The following RAB38 variants were observed in gnomAD, a reference collection of about 807,000 sequenced individuals.
RAB38 encodes the protein RAB38, member RAS oncogene family, also known as ras-related protein Rab-38.
RAB38 carries 15 observed loss-of-function variants against 18.4 expected under a neutral mutation model. The observed-to-expected ratio is 0.82, with a 90% CI of 0.55 to 1.26. The LOEUF (loss-of-function observed/expected upper bound fraction) is 1.26, where lower values mean the gene tolerates loss of function less well. RAB38 is among the 50% of genes most tolerant of loss of function. The pLI is 0.00. For missense variants in RAB38, 294 were observed against 267.4 expected (o/e 1.10, Z -0.69); for synonymous variants, 101 against 104.4 (o/e 0.97, Z 0.20).
the RAB38 span, among the ~76,000 whole-genome samples, chr11:87,889,985 TG>T: frequency 7.2e-5 from 11 of 151,936 alleles, no homozygotes; most frequent in African/African-American, 2.2e-4. Flanking sequence ...ACATTATAAA[TG>T]ATAGAATATT....
rs1311795905 is a variant in RAB38, at chr11:88,155,866, G to A, written c.203-5911C>T. Among the ~76,000 whole-genome samples, 4 of 152,238 alleles carry A rather than the reference G, an allele frequency of 2.6e-5. No homozygotes were observed. The East Asian group carries it at 7.7e-4, about 29-fold the overall frequency. On this transcript the variant is annotated intron_variant, in intron 1 of 2. Transcript: ENST00000243662. ...TCTAGAATTGGACAATTCACTTAAG[G>A]AGTTTCAAAATACAATTGAAAGCTT...
At chr11:87,863,858 G>T in the RAB38 span, among the ~76,000 whole-genome samples, 1 of 151,718 alleles carries the variant, frequency 6.6e-6, no homozygotes, top group African/African-American at 2.4e-5. Flanking sequence ...TAAGCATAAT[G>T]TGAAAACCCT....
At chr11:87,906,203 C>T in the RAB38 span, among the ~76,000 whole-genome samples, 1 of 151,952 alleles carries the variant, frequency 6.6e-6, no homozygotes, top group Non-Finnish European at 1.5e-5. Context: ...AGTCCTCTCC[C>T]ACCCATGAGC....
the RAB38 span, among the ~76,000 whole-genome samples, chr11:87,958,089 C>T: frequency 6.6e-6 from 1 of 152,094 alleles, no homozygotes; most frequent in Non-Finnish European, 1.5e-5. Flanking sequence ...TTGATCTCTT[C>T]CCAGGCTAGC....
At chr11:87,866,915 A>C in the RAB38 span, among the ~76,000 whole-genome samples, 40 of 151,892 alleles carry the variant, frequency 2.6e-4, no homozygotes, top group African/African-American at 9.2e-4. Flanking sequence ...TGTTTTACCA[A>C]ACACCTTTCC....
the RAB38 span, chr11:88,097,801 C>T: frequency 2.0e-5 from 3 of 151,936 alleles, no homozygotes; most frequent in African/African-American, 4.8e-5. Context: ...ACAATATGTT[C>T]TGATTGTGTC....
the RAB38 span, among the ~76,000 whole-genome samples, chr11:87,910,939 A>T: frequency 6.6e-6 from 1 of 151,944 alleles, no homozygotes; most frequent in African/African-American, 2.4e-5. Context: ...CGCAGCCTCA[A>T]AGTTCACTTT....
the RAB38 span, among the ~76,000 whole-genome samples, chr11:88,099,033 A>G: frequency 6.6e-6 from 1 of 151,972 alleles, no homozygotes; most frequent in Admixed American, 6.6e-5. Flanking sequence ...AACTGGACAT[A>G]GAGTGGACCA....
At chr11:87,846,354 CTT>C in the RAB38 span, among the ~76,000 whole-genome samples, 1 of 151,920 alleles carries the variant, frequency 6.6e-6, no homozygotes, top group African/African-American at 2.4e-5. Flanking sequence ...AAGAGCTAAA[CTT>C]AATATATAAA....
intron 2 of RAB38, among the ~76,000 whole-genome samples, chr11:88,120,030 G>C (rs1942610452): frequency 6.6e-6 from 1 of 152,318 alleles, no homozygotes; most frequent in South Asian, 2.1e-4. Context: ...GTGGACACCT[G>C]TCTGTTAAGC....
At chr11:88,072,562 C>T in the RAB38 span, among the ~76,000 whole-genome samples, 3 of 151,962 alleles carry the variant, frequency 2.0e-5, no homozygotes, top group African/African-American at 4.8e-5. Context: ...TAATGGAAGA[C>T]AAGCCAAAGT....
the RAB38 span, among the ~76,000 whole-genome samples, chr11:88,068,246 T>C: frequency 1.3e-5 from 2 of 152,104 alleles, no homozygotes; most frequent in African/African-American, 4.8e-5. Flanking sequence ...TGGATTTATG[T>C]AAAATATCTC....
the RAB38 span, among the ~76,000 whole-genome samples, chr11:88,053,194 TATATATGGAATATATATATACACACA>T: frequency 8.7e-6 from 1 of 115,452 alleles, no homozygotes; most frequent in Non-Finnish European, 1.7e-5. Context: ...TATACACACA[TATATATGGAATATATATATACACACA>T]TATATATGGA....
the RAB38 span, among the ~76,000 whole-genome samples, chr11:87,881,136 G>A: frequency 6.6e-6 from 1 of 151,748 alleles, no homozygotes; most frequent in Non-Finnish European, 1.5e-5. Context: ...GAGACATCAT[G>A]CCCAGACTGC....
At chr11:88,029,240 T>A in the RAB38 span, among the ~76,000 whole-genome samples, 1 of 151,988 alleles carries the variant, frequency 6.6e-6, no homozygotes, top group East Asian at 1.9e-4. Context: ...TGCTAAACAT[T>A]GAAAGGAACA....
chr11:87,901,718 C>T, the RAB38 span, among the ~76,000 whole-genome samples: 2 of 151,502 alleles, frequency 1.3e-5, no homozygotes, highest in Admixed American at 6.6e-5. Flanking sequence ...ATGCAATCAC[C>T]GGAGCTGTGC....
the RAB38 span, among the ~76,000 whole-genome samples, chr11:88,069,599 T>C: frequency 1.3e-5 from 2 of 152,220 alleles, no homozygotes; most frequent in African/African-American, 4.8e-5. Flanking sequence ...TCAGGGTTCA[T>C]GGATGCACCA....
chr11:88,031,827 A>G, the RAB38 span, among the ~76,000 whole-genome samples: 1 of 152,190 alleles, frequency 6.6e-6, no homozygotes, highest in East Asian at 1.9e-4. Context: ...CAGATTCAAT[A>G]CCATTCCCAT....
chr11:88,156,316 G>A (rs1249713075), intron 1 of RAB38, among the ~76,000 whole-genome samples: 1 of 152,172 alleles, frequency 6.6e-6, no homozygotes, highest in African/African-American at 2.4e-5. Context: ...ACCCCATTTG[G>A]CTAACAGTGG....
Sources: gnomAD v4.1 joint callset for allele counts (sites outside exome capture counted in the v4.1 genomes callset) on GRCh38, gnomAD v4.1.1 for gene constraint, MANE v1.5 for transcripts, NCBI Gene and HGNC (gene_info 2026-07-23, HGNC 2026-07-21) for gene names.